Variants in MAP2K4 observed in about 807,000 individuals in gnomAD.
MAP2K4 encodes the protein dual specificity mitogen-activated protein kinase kinase 4.
A neutral mutation model predicts 48.5 loss-of-function variants in MAP2K4; 4 were observed. The ratio of observed to expected loss-of-function variants is 0.08; its 90% CI spans 0.04 to 0.19. The LOEUF (loss-of-function observed/expected upper bound fraction) is 0.19. MAP2K4 is among the 10% of genes least tolerant of loss of function. The pLI, the probability that MAP2K4 is intolerant of heterozygous loss-of-function variation, is 1.00. For missense variants in MAP2K4, 258 were observed against 493.3 expected, an observed-to-expected ratio of 0.52 and a Z score of 4.52; for synonymous variants, 166 against 173.1, an observed-to-expected ratio of 0.96 and a Z score of 0.32.
chr17:12,038,814 G>C (rs1441027093), intron 1 of MAP2K4, among the ~76,000 whole-genome samples: 1 of 152,106 alleles, frequency 6.6e-6, no homozygotes, highest in Non-Finnish European at 1.5e-5. Context: ...GCTAATAAGG[G>C]GCAGAACTGT....
intron 9 of MAP2K4, among the ~76,000 whole-genome samples, chr17:12,131,692 G>A (rs747808463): frequency 6.6e-6 from 1 of 151,966 alleles, no homozygotes. Context: ...GAAACAGAAC[G>A]TAGAAAGTAG....
At chr17:12,024,654 C>CT (rs2151504763) in intron 1 of MAP2K4, among the ~76,000 whole-genome samples, 1 of 152,254 alleles carries the variant, frequency 6.6e-6, no homozygotes, top group East Asian at 1.9e-4. Context: ...ATTAACTACT[C>CT]TGAGAAATGT....
chr17:12,123,178 G>T (rs1972747888), intron 7 of MAP2K4, among the ~76,000 whole-genome samples: 1 of 152,150 alleles, frequency 6.6e-6, no homozygotes, highest in African/African-American at 2.4e-5. Flanking sequence ...AAAAATTTGT[G>T]TAAGGCCAGT....
intron 2 of MAP2K4, among the ~76,000 whole-genome samples, chr17:12,066,212 C>A (rs1259914332): frequency 2.0e-5 from 3 of 150,818 alleles, no homozygotes. Flanking sequence ...CCAGGTAGTT[C>A]ATGTTACCCT....
intron 1 of MAP2K4, among the ~76,000 whole-genome samples, chr17:12,053,588 T>C (rs1320271348): frequency 9.2e-5 from 14 of 152,162 alleles, no homozygotes; most frequent in Non-Finnish European, 2.1e-4. Context: ...TGTTTCCTAG[T>C]GTACCCTTTG....
At chr17:12,040,557 A>G (rs928701892) in intron 1 of MAP2K4, among the ~76,000 whole-genome samples, 1 of 152,196 alleles carries the variant, frequency 6.6e-6, no homozygotes, top group Non-Finnish European at 1.5e-5. Flanking sequence ...GGTGAAGTTG[A>G]GGAGCCAATG....
intron 7 of MAP2K4, among the ~76,000 whole-genome samples, chr17:12,120,426 C>T (rs994312616): frequency 6.6e-6 from 1 of 152,056 alleles, no homozygotes; most frequent in Non-Finnish European, 1.5e-5. Context: ...TGCCACTACA[C>T]TTCAGCCTGG....
At chr17:12,043,562 TGAC>T (rs1331140191) in intron 1 of MAP2K4, among the ~76,000 whole-genome samples, 12 of 152,120 alleles carry the variant, frequency 7.9e-5, no homozygotes, top group Non-Finnish European at 1.6e-4. Flanking sequence ...TTATCAAACT[TGAC>T]CACAACCCCC....
Position 12,141,209 on chromosome 17 carries a change from A to G in MAP2K4, c.1149A>G (p.Lys383=), listed in dbSNP as rs144754357. 3.7e-6 allele frequency: 6 copies of G among 1,613,798 alleles called. No homozygotes were observed. The African/African-American group carries it at 8.0e-5, about 22-fold the overall frequency. Residue 383 remains lysine (K), a synonymous_variant, in exon 11 of 11, where the codon AAA becomes AAG. Coordinates refer to ENST00000353533, the MANE Select transcript of MAP2K4 (RefSeq NM_003010.4). ...RAVEVACYVC[K]ILDQMPATPS... ...TTGAGGTCGCATGCTATGTTTGTAA[A>G]ATCCTGGATCAAATGCCAGCTACTC...
intron 2 of MAP2K4, among the ~76,000 whole-genome samples, chr17:12,056,345 T>C (rs886803261): frequency 1.3e-5 from 2 of 152,082 alleles, no homozygotes; most frequent in African/African-American, 4.8e-5. Flanking sequence ...CTCTGGAGTT[T>C]CTTTATGTAT....
intron 3 of MAP2K4, among the ~76,000 whole-genome samples, chr17:12,092,394 AG>A (rs1277044124): frequency 6.6e-6 from 1 of 152,194 alleles, no homozygotes; most frequent in Non-Finnish European, 1.5e-5. Flanking sequence ...TTCAATTTTT[AG>A]GTAGTTATGC....
chr17:12,071,687 C>T (rs1040251110), intron 2 of MAP2K4, among the ~76,000 whole-genome samples: 2 of 152,070 alleles, frequency 1.3e-5, no homozygotes, highest in African/African-American at 2.4e-5. Flanking sequence ...CGCTAAATTA[C>T]GGCACTGGGA....
chr17:12,107,591 G>T (rs1483578380), intron 4 of MAP2K4, among the ~76,000 whole-genome samples, 199 bp from the exon 5 acceptor site: 1 of 151,744 alleles, frequency 6.6e-6, no homozygotes. Flanking sequence ...GGGAAAATTG[G>T]CTTTAACTAC....
intron 7 of MAP2K4, among the ~76,000 whole-genome samples, chr17:12,122,759 T>C (rs1387655585): frequency 6.6e-6 from 1 of 152,214 alleles, no homozygotes; most frequent in African/African-American, 2.4e-5. Flanking sequence ...GTAAGTATAA[T>C]GTTAACTCTT....
intron 7 of MAP2K4, among the ~76,000 whole-genome samples, chr17:12,122,393 C>A (rs1205731974): frequency 6.6e-6 from 1 of 152,174 alleles, no homozygotes; most frequent in Non-Finnish European, 1.5e-5. Context: ...ATGTCCTTAA[C>A]CGTGGCAAGA....
At chr17:12,087,571 A>G (rs1042432765) in intron 3 of MAP2K4, among the ~76,000 whole-genome samples, 1 of 152,120 alleles carries the variant, frequency 6.6e-6, no homozygotes, top group Non-Finnish European at 1.5e-5. Context: ...GGTAAAAGGA[A>G]TTAAGTGGAT....
chr17:12,117,351 G>T (rs996204033), intron 7 of MAP2K4, among the ~76,000 whole-genome samples: 1 of 151,920 alleles, frequency 6.6e-6, no homozygotes, highest in South Asian at 2.1e-4. Context: ...GACCTTATGC[G>T]ATGGGTCACA....
intron 1 of MAP2K4, among the ~76,000 whole-genome samples, chr17:12,035,794 T>C (rs185612275): frequency 1.9e-3 from 282 of 152,362 alleles, no homozygotes; most frequent in Middle Eastern, 3.4e-3. Context: ...CTTCAAATGC[T>C]CAAATCTATC....
chr17:12,027,528 AAG>A (rs900955727), intron 1 of MAP2K4, among the ~76,000 whole-genome samples: 8 of 152,170 alleles, frequency 5.3e-5, no homozygotes, highest in Non-Finnish European at 1.2e-4. Flanking sequence ...CATTTAAAAA[AAG>A]AGGAATCAAG....
Sources: allele counts gnomAD v4.1 joint callset (sites outside exome capture counted in the v4.1 genomes callset), GRCh38; gene constraint gnomAD v4.1.1; transcripts MANE v1.5; gene names NCBI Gene and HGNC (gene_info 2026-07-23, HGNC 2026-07-21).